Variants in ADAM19 observed in about 807,000 individuals in gnomAD.
The protein encoded by ADAM19 is ADAM metallopeptidase domain 19, also known as disintegrin and metalloproteinase domain-containing protein 19.
A neutral mutation model predicts 114.7 loss-of-function variants in ADAM19; 65 were observed. The observed-to-expected ratio is 0.57, with a 90% CI of 0.46 to 0.70. The LOEUF (loss-of-function observed/expected upper bound fraction) is 0.70, where lower values mean the gene tolerates loss of function less well. Among genes scored for constraint, ADAM19 ranks in the 30% least tolerant of loss-of-function variants. The pLI is 0.00. For missense variants in ADAM19, 1,063 were observed against 1,204.7 expected, an observed-to-expected ratio of 0.88 and a Z score of 1.74; for synonymous variants, 466 against 460.5, an observed-to-expected ratio of 1.01 and a Z score of -0.15.
intron 5 of ADAM19, among the ~76,000 whole-genome samples, chr5:157,523,993 C>T (rs1488021182): frequency 1.3e-5 from 2 of 152,226 alleles, no homozygotes; most frequent in African/African-American, 4.8e-5. Context: ...CTCCCTTCCT[C>T]CAACTGCTGT....
At chr5:157,531,156 C>A (rs1374340120) in intron 4 of ADAM19, among the ~76,000 whole-genome samples, 2 of 152,154 alleles carry the variant, frequency 1.3e-5, no homozygotes, top group Non-Finnish European at 2.9e-5. Context: ...GGTCTCCCTG[C>A]TGATTGGAAA....
At chr5:157,490,538 T>A in intron 18 of ADAM19, 84 bp from the exon 19 acceptor site, 1 of 1,481,928 alleles carries the variant, frequency 6.7e-7, no homozygotes, top group Non-Finnish European at 9.3e-7. Context: ...TGCTTCTTCT[T>A]CAGGCATTTG....
chr5:157,540,829 C>T (rs575932044), intron 3 of ADAM19, among the ~76,000 whole-genome samples: 2 of 152,292 alleles, frequency 1.3e-5, no homozygotes, highest in African/African-American at 4.8e-5. Context: ...GGATTAAAAA[C>T]TACACCTCTG....
chr5:157,575,645 GC>G lies in ADAM19; in HGVS notation c.51del (p.Gln18SerfsTer40). The G allele has an allele frequency of 7.0e-7, 1 of 1,427,288 alleles. No homozygotes were observed. Among genetic ancestry groups the G allele is most frequent in the Non-Finnish European group, 9.1e-7 (1 of 1,097,338 alleles). The allele number at this position is 1,427,288 out of a possible 1,614,324, so 88.4% of individuals were successfully genotyped here. ...AARLCLLAFA[L>X]QPLRPRAARE... Reference sequence around the variant, plus strand: ...CGCGCCGCCCGCGGCCGGAGGGGCTGCAGGGCAAACGCCAGCAAGCAGAGCC... The same window carrying G: ...CGCGCCGCCCGCGGCCGGAGGGGCTGAGGGCAAACGCCAGCAAGCAGAGCC... On this transcript the variant is annotated frameshift_variant, in exon 1 of 23. Coordinates refer to ENST00000257527, the MANE Select transcript of ADAM19 (RefSeq NM_033274.5). LOFTEE classifies it high-confidence loss of function.
chr5:157,548,815 G>C (rs941523620), intron 3 of ADAM19, among the ~76,000 whole-genome samples: 5 of 152,080 alleles, frequency 3.3e-5, no homozygotes, highest in African/African-American at 7.2e-5. Context: ...AACCACAAAG[G>C]GTAAAGAGTA....
At chr5:157,549,830 A>G (rs1263465273) in intron 3 of ADAM19, among the ~76,000 whole-genome samples, 1 of 152,242 alleles carries the variant, frequency 6.6e-6, no homozygotes, top group Non-Finnish European at 1.5e-5. Flanking sequence ...AGAATGGAGA[A>G]AAATTAGCTC....
chr5:157,544,383 C>T (rs964759006), intron 3 of ADAM19, among the ~76,000 whole-genome samples: 2 of 152,242 alleles, frequency 1.3e-5, no homozygotes, highest in African/African-American at 4.8e-5. Context: ...CTTCCCACGA[C>T]ATCTTCTCCC....
In ADAM19 at chr5:157,491,604, C is replaced by T. The variant is rs555968256; in HGVS notation, c.2095+11G>A. On this transcript the variant is annotated intron_variant, in intron 18 of 22. Coordinates refer to ENST00000257527, the MANE Select transcript of ADAM19 (RefSeq NM_033274.5). ...AAAAGCGGGCAGTGGCCCCAGCAGGCTGGCACTCACTCTCAGGGGGCATAG... is the reference window on the plus strand; with the variant it reads ...AAAAGCGGGCAGTGGCCCCAGCAGGTTGGCACTCACTCTCAGGGGGCATAG... The T allele has an allele frequency of 4.8e-5, 71 of 1,481,184 alleles. 1 individual carries two copies. In the South Asian group the frequency reaches 9.6e-4, roughly 20 times the overall value. 91.8% of individuals were successfully genotyped at this position (1,481,184 alleles called of 1,614,324 possible).
chr5:157,505,943 T>C (rs1458643594), intron 10 of ADAM19, 135 bp from the exon 11 acceptor site: 9 of 985,690 alleles, frequency 9.1e-6, no homozygotes, highest in Non-Finnish European at 1.3e-5. Context: ...ACTCTCCATA[T>C]GTGCCTCTGA....
Position 157,483,676 on chromosome 5 carries a change from C to G in ADAM19, c.2551-1733G>C, listed in dbSNP as rs980709872. ...TGAGATGGAGTCTTGCTCTGTCCCC[C>G]AGGCTGGAGTGTAATGGCATGATCT... On this transcript the variant is annotated intron_variant, in intron 21 of 22. Transcript: ENST00000257527. Among the ~76,000 whole-genome samples, 8 of 151,816 alleles carry G rather than the reference C, an allele frequency of 5.3e-5. No individual in the cohort carries two copies. The East Asian group carries it at 9.6e-4, about 18-fold the overall frequency.
intron 3 of ADAM19, among the ~76,000 whole-genome samples, chr5:157,557,977 A>T (rs939160979): frequency 5.9e-5 from 9 of 152,220 alleles, no homozygotes; most frequent in Non-Finnish European, 1.2e-4. Flanking sequence ...AAAAAATCAC[A>T]TCAGACTGGC....
intron 3 of ADAM19, among the ~76,000 whole-genome samples, chr5:157,560,718 T>C (rs148431792): frequency 6.6e-5 from 10 of 152,378 alleles, no homozygotes; most frequent in Non-Finnish European, 1.3e-4. Flanking sequence ...GTGCATGTTC[T>C]TGTATGCATA....
intron 9 of ADAM19, among the ~76,000 whole-genome samples, chr5:157,508,044 T>C (rs1313837244): frequency 1.3e-5 from 2 of 152,246 alleles, no homozygotes; most frequent in Non-Finnish European, 2.9e-5. Flanking sequence ...AATAAATGTT[T>C]GCTGAATTAC....
At chr5:157,498,792 CCTT>C (rs1302685066) in intron 13 of ADAM19, among the ~76,000 whole-genome samples, 1 of 151,550 alleles carries the variant, frequency 6.6e-6, no homozygotes, top group African/African-American at 2.4e-5. Context: ...GGGGATAACA[CCTT>C]CTGATCAAAC....
At position 157,489,257 on chromosome 5, in the gene ADAM19, T is replaced by C. The variant is rs1755066469; in HGVS notation, c.2241-71A>G. ...GCAGGGGACAGTGCCTGAGTTCCCT[T>C]TGACCCAAGCACGGCCAGCAAGCAG... On this transcript the variant is annotated intron_variant, in intron 19 of 22. Transcript: ENST00000257527. 4 of 1,139,080 alleles carry C rather than the reference T, an allele frequency of 3.5e-6. 1 individual carries two copies. In the South Asian group the frequency reaches 5.1e-5, roughly 14 times the overall value. The allele number at this position is 1,139,080 out of a possible 1,614,324, so 70.6% of individuals were successfully genotyped here. A position where few individuals can be genotyped will look rare whatever the true frequency, so the allele number is the denominator to read the frequency against.
At chr5:157,562,373 C>T (rs1384606332) in intron 3 of ADAM19, among the ~76,000 whole-genome samples, 5 of 152,182 alleles carry the variant, frequency 3.3e-5, no homozygotes, top group Admixed American at 2.0e-4. Context: ...GAGCTGCTCT[C>T]GGAAAAGCAG....
intron 3 of ADAM19, among the ~76,000 whole-genome samples, chr5:157,546,245 A>G (rs1309440640): frequency 6.6e-6 from 1 of 152,204 alleles, no homozygotes; most frequent in Non-Finnish European, 1.5e-5. Flanking sequence ...CAGTGTGGTA[A>G]CCAATTTCTA....
intron 14 of ADAM19, among the ~76,000 whole-genome samples, chr5:157,496,205 G>C (rs910750234): frequency 6.6e-6 from 1 of 152,036 alleles, no homozygotes; most frequent in African/African-American, 2.4e-5. Flanking sequence ...ATTTTTTGTG[G>C]AAGATGATTT....
intron 10 of ADAM19, 143 bp from the exon 11 acceptor site, chr5:157,505,951 T>G: frequency 1.2e-6 from 1 of 863,986 alleles, no homozygotes; most frequent in South Asian, 2.2e-5. Context: ...TATGTGCCTC[T>G]GACAGCAAGG....
Sources: gnomAD v4.1 joint callset for allele counts (sites outside exome capture counted in the v4.1 genomes callset) on GRCh38, gnomAD v4.1.1 for gene constraint, MANE v1.5 for transcripts, NCBI Gene and HGNC (gene_info 2026-07-23, HGNC 2026-07-21) for gene names.